Variants in UCK2 observed in about 807,000 individuals in gnomAD.
The protein encoded by UCK2 is uridine-cytidine kinase 2, also known as cytidine monophosphokinase 2.
A neutral mutation model predicts 30.8 loss-of-function variants in UCK2; 6 were observed. The observed-to-expected ratio is 0.19, with a 90% confidence interval of 0.11 to 0.38. UCK2 has a LOEUF of 0.38. Ranked by LOEUF, UCK2 falls within the 10% of genes least tolerant of loss-of-function variation. The probability of loss-of-function intolerance (pLI) is 1.00; values close to 1 mark genes in which losing one functional copy is unlikely to be tolerated. For missense variants in UCK2, 210 were observed against 339.8 expected (o/e 0.62, Z 3.00); for synonymous variants, 125 against 133.6 (o/e 0.94, Z 0.45).
At chr1:165,843,916 C>T (rs190597561) in intron 1 of UCK2, among the ~76,000 whole-genome samples, 23 of 152,176 alleles carry the variant, frequency 1.5e-4, no homozygotes, top group African/African-American at 4.1e-4. Flanking sequence ...TAATTTTGCA[C>T]GTGTTTATTG....
At position 165,871,913 on chromosome 1, in the gene UCK2, G is replaced by C. The variant is rs368008717; in HGVS notation, c.100-18291G>C. On this transcript the variant is annotated intron_variant, in intron 1 of 6. Transcript: ENST00000367879. ...GGCCAGTTTCCTTAATATATAAAGAGCTTTTATAAATCAATAAGAAATAAA... is the reference window on the plus strand; with the variant it reads ...GGCCAGTTTCCTTAATATATAAAGACCTTTTATAAATCAATAAGAAATAAA... Among the ~76,000 whole-genome samples, 5 of 152,116 alleles carry C rather than the reference G, an allele frequency of 3.3e-5. No homozygotes were observed. In the East Asian group the frequency reaches 5.8e-4, roughly 18 times the overall value.
intron 1 of UCK2, among the ~76,000 whole-genome samples, chr1:165,881,716 A>G (rs1051341511): frequency 9.9e-5 from 15 of 152,244 alleles, no homozygotes; most frequent in Admixed American, 6.5e-4. Flanking sequence ...TGTGTTAGCT[A>G]TTATTATCAT....
intron 1 of UCK2, among the ~76,000 whole-genome samples, chr1:165,863,273 G>A (rs1438608985): frequency 1.3e-5 from 2 of 152,306 alleles, no homozygotes; most frequent in South Asian, 2.1e-4. Context: ...CTTGTGTGTT[G>A]GAGAACAAGC....
At chr1:165,840,902 A>G (rs1571265562) in intron 1 of UCK2, among the ~76,000 whole-genome samples, 1 of 152,146 alleles carries the variant, frequency 6.6e-6, no homozygotes, top group Non-Finnish European at 1.5e-5. Context: ...TATAAATTCT[A>G]AAAGCACGGT....
intron 3 of UCK2, chr1:165,895,471 G>A: frequency 9.1e-6 from 9 of 985,096 alleles, no homozygotes; most frequent in Non-Finnish European, 1.1e-5. Flanking sequence ...CCTGCCCTAG[G>A]CTACCCAACC....
At chr1:165,831,462 G>A (rs1654044799) in intron 1 of UCK2, among the ~76,000 whole-genome samples, 1 of 152,160 alleles carries the variant, frequency 6.6e-6, no homozygotes. Flanking sequence ...AAAAAACCCA[G>A]GCTAAACTTC....
chr1:165,880,568 TGTGTGTGTG>T (rs1655468194), intron 1 of UCK2, among the ~76,000 whole-genome samples: 2 of 4,832 alleles, frequency 4.1e-4, no homozygotes, highest in African/African-American at 2.4e-3. Context: ...TTTTTGGGGG[TGTGTGTGTG>T]TGTGTGTGTG....
intron 4 of UCK2, among the ~76,000 whole-genome samples, chr1:165,899,053 C>G (rs1046148634): frequency 1.3e-5 from 2 of 152,140 alleles, no homozygotes; most frequent in Admixed American, 6.5e-5. Flanking sequence ...GCTGGTTAGT[C>G]AGAAGCAGCT....
chr1:165,877,658 C>A (rs1022997043), intron 1 of UCK2, among the ~76,000 whole-genome samples: 3 of 152,132 alleles, frequency 2.0e-5, no homozygotes, highest in Non-Finnish European at 4.4e-5. Flanking sequence ...TAACCATCGG[C>A]GTAATGAAGG....
At chr1:165,856,481 G>A (rs1654749970) in intron 1 of UCK2, among the ~76,000 whole-genome samples, 1 of 135,574 alleles carries the variant, frequency 7.4e-6, no homozygotes, top group Non-Finnish European at 1.5e-5. Flanking sequence ...AGCTTCAGAG[G>A]CATTTAGCTT....
intron 1 of UCK2, among the ~76,000 whole-genome samples, chr1:165,861,435 C>T (rs1654894370): frequency 3.3e-5 from 5 of 151,596 alleles, no homozygotes; most frequent in South Asian, 4.2e-4. Context: ...GAGACCATCC[C>T]GGCTAAAACG....
At chr1:165,871,854 T>A (rs1215480639) in intron 1 of UCK2, among the ~76,000 whole-genome samples, 1 of 152,190 alleles carries the variant, frequency 6.6e-6, no homozygotes, top group Non-Finnish European at 1.5e-5. Context: ...AAAAGACAGT[T>A]AACTAGAAAG....
intron 1 of UCK2, among the ~76,000 whole-genome samples, chr1:165,886,320 A>G (rs1261244531): frequency 1.3e-5 from 2 of 151,902 alleles, no homozygotes; most frequent in Admixed American, 1.3e-4. Flanking sequence ...TTAGAGATAG[A>G]GTCTTGCTCT....
At chr1:165,853,367 T>G (rs1654646370) in intron 1 of UCK2, among the ~76,000 whole-genome samples, 1 of 151,746 alleles carries the variant, frequency 6.6e-6, no homozygotes, top group South Asian at 2.1e-4. Context: ...TTTTTTTTTT[T>G]GTTTTCATTT....
chr1:165,902,592 A>ATTTTTTTTTTTTTTTTTTTTT lies in UCK2; in HGVS notation c.500-583_500-563dup, dbSNP rs386368582. The ATTTTTTTTTTTTTTTTTTTTT allele has an allele frequency of 2.4e-4, 11 of 45,758 alleles. 3 individuals are homozygous for ATTTTTTTTTTTTTTTTTTTTT. Among genetic ancestry groups the ATTTTTTTTTTTTTTTTTTTTT allele is most frequent in the Non-Finnish European group, 3.8e-4 (10 of 26,110 alleles). 2.8% of individuals were successfully genotyped at this position (45,758 alleles called of 1,614,324 possible). On this transcript the variant is annotated intron_variant, in intron 4 of 6. Transcript: ENST00000367879. ...TGGTTTTCTTATCTTTCACTGAGTG[A>ATTTTTTTTTTTTTTTTTTTTT]TTTTTTTTTTTTTTTTTTTTTTTTT...
At chr1:165,896,015 T>G in intron 3 of UCK2, 175 bp from the exon 4 acceptor site, 2 of 768,154 alleles carry the variant, frequency 2.6e-6, no homozygotes, top group Non-Finnish European at 2.1e-6. Context: ...CCTTGGCTCT[T>G]TGGTGGTGGT....
At chr1:165,842,258 T>A (rs940998876) in intron 1 of UCK2, among the ~76,000 whole-genome samples, 2 of 152,168 alleles carry the variant, frequency 1.3e-5, no homozygotes, top group Non-Finnish European at 2.9e-5. Flanking sequence ...CCCTGTTTTT[T>A]CCCCCTCCAT....
chr1:165,855,291 ACCTATT>A (rs1305919443), intron 1 of UCK2, among the ~76,000 whole-genome samples: 2 of 152,172 alleles, frequency 1.3e-5, no homozygotes, highest in Admixed American at 1.3e-4. Flanking sequence ...TTCCACAAAC[ACCTATT>A]CCTAGTTCTT....
chr1:165,849,355 A>G (rs1422969283), intron 1 of UCK2, among the ~76,000 whole-genome samples: 3 of 152,300 alleles, frequency 2.0e-5, no homozygotes, highest in Non-Finnish European at 4.4e-5. Context: ...CATTGTCTCT[A>G]TGTAGTGCTT....
Sources: allele counts gnomAD v4.1 joint callset (sites outside exome capture counted in the v4.1 genomes callset), GRCh38; gene constraint gnomAD v4.1.1; transcripts MANE v1.5; gene names NCBI Gene and HGNC (gene_info 2026-07-23, HGNC 2026-07-21).